The following FSIP1 variants were observed in gnomAD, a reference collection of about 807,000 sequenced individuals.
FSIP1 encodes the protein fibrous sheath interacting protein 1.
Under a neutral mutation model 60.9 loss-of-function variants are expected in FSIP1, and 65 were observed. The ratio of observed to expected loss-of-function variants is 1.07; its 90% CI spans 0.87 to 1.31. The LOEUF is 1.31. Among genes scored for constraint, FSIP1 ranks in the 40% most tolerant of loss-of-function variants. The probability of loss-of-function intolerance (pLI) is 0.00; values close to 1 mark genes in which losing one functional copy is unlikely to be tolerated. For missense variants in FSIP1, 675 were observed against 665.5 expected (o/e 1.01, Z -0.16); for synonymous variants, 209 against 221.2 (o/e 0.94, Z 0.49).
chr15:39,739,692 G>A lies in FSIP1; in HGVS notation c.753C>T (p.Asn251=). ...TEKIELRGKH[N]QDFIKRNIEL... Reference sequence around the variant, plus strand: ...CAATGTTTCTCTTAATAAAATCCTGGTTGTGTTTACCCCTGAGCTCAATCT... The same window carrying A: ...CAATGTTTCTCTTAATAAAATCCTGATTGTGTTTACCCCTGAGCTCAATCT... Residue 251 remains asparagine (N), a synonymous_variant, in exon 7 of 12, where the codon AAC becomes AAT. Coordinates refer to ENST00000350221, the MANE Select transcript of FSIP1 (RefSeq NM_152597.5). 6.3e-7 allele frequency: 1 copy of A among 1,597,344 alleles called. No homozygotes were observed. Among genetic ancestry groups the A allele is most frequent in the Non-Finnish European group, 8.5e-7 (1 of 1,176,176 alleles).
intron 10 of FSIP1, among the ~76,000 whole-genome samples, chr15:39,619,215 T>C (rs1304719096): frequency 6.6e-6 from 1 of 152,214 alleles, no homozygotes; most frequent in African/African-American, 2.4e-5. Flanking sequence ...TTACTGATAC[T>C]AGTATAGTTA....
chr15:39,639,332 G>A lies in FSIP1; in HGVS notation c.1189-21087C>T, dbSNP rs370562935. Among the ~76,000 whole-genome samples the A allele has an allele frequency of 2.1e-4, 32 of 151,888 alleles. 1 individual carries two copies. The highest frequency in any genetic ancestry group is 3.4e-3 in the Middle Eastern group (1 of 292). On this transcript the variant is annotated intron_variant, in intron 10 of 11. Coordinates refer to ENST00000350221, the MANE Select transcript of FSIP1 (RefSeq NM_152597.5). ...CCTCTGACTACCTTTTTTTTCAAGC[G>A]TTTTTAACATGGCTCTTGTAGGTCT...
intron 10 of FSIP1, 50 bp from the exon 11 acceptor site, chr15:39,618,295 AT>A: frequency 6.8e-7 from 1 of 1,475,706 alleles, no homozygotes. Context: ...GAGTAAACAC[AT>A]TTATTTTTGG....
chr15:39,775,524 AT>A (rs1332361937), intron 2 of FSIP1, among the ~76,000 whole-genome samples: 1 of 152,146 alleles, frequency 6.6e-6, no homozygotes, highest in African/African-American at 2.4e-5. Flanking sequence ...GAAAAAAAAA[AT>A]AAGGTCACAG....
At chr15:39,704,441 A>G (rs1299583568) in intron 10 of FSIP1, among the ~76,000 whole-genome samples, 1 of 152,254 alleles carries the variant, frequency 6.6e-6, no homozygotes, top group Non-Finnish European at 1.5e-5. Flanking sequence ...GGTTGGTAAC[A>G]GCTTAAAGGT....
At chr15:39,741,717 A>G in intron 6 of FSIP1, 88 bp downstream of exon 6, 1 of 699,116 alleles carries the variant, frequency 1.4e-6, no homozygotes, top group Admixed American at 2.3e-5. Context: ...GGATTAAATT[A>G]CATGAACTTA....
chr15:39,630,572 T>C (rs989106406), intron 10 of FSIP1, among the ~76,000 whole-genome samples: 2 of 152,194 alleles, frequency 1.3e-5, no homozygotes, highest in Admixed American at 1.3e-4. Context: ...CCATCTACTA[T>C]GCACCACATA....
chr15:39,610,480 A>G (rs1321968677), intron 11 of FSIP1, among the ~76,000 whole-genome samples: 1 of 152,174 alleles, frequency 6.6e-6, no homozygotes, highest in African/African-American at 2.4e-5. Flanking sequence ...AGCCTGGCCA[A>G]TATGGTGAAA....
intron 11 of FSIP1, among the ~76,000 whole-genome samples, chr15:39,617,023 G>A (rs951905865): frequency 6.6e-5 from 10 of 152,166 alleles, no homozygotes; most frequent in Non-Finnish European, 1.2e-4. Context: ...AGTCAAAACC[G>A]AAATCTGACT....
rs975171543 is a variant in FSIP1, at chr15:39,770,685, T to C, written c.127-75A>G. 10 of 895,794 alleles carry C rather than the reference T, an allele frequency of 1.1e-5. No individual in the cohort carries two copies. In the African/African-American group the frequency reaches 1.3e-4, roughly 12 times the overall value. 55.5% of individuals were successfully genotyped at this position (895,794 alleles called of 1,614,324 possible). On this transcript the variant is annotated intron_variant, in intron 2 of 11. Coordinates refer to ENST00000350221, the MANE Select transcript of FSIP1 (RefSeq NM_152597.5). ...TTAAACTTTACATTTCTAGAATATT[T>C]TGACACTAATGGAAGCAGATGGAGA...
At chr15:39,614,489 G>GA (rs1439350841) in intron 11 of FSIP1, among the ~76,000 whole-genome samples, 1 of 151,860 alleles carries the variant, frequency 6.6e-6, no homozygotes, top group African/African-American at 2.4e-5. Flanking sequence ...ACTAAAGATA[G>GA]AAAAAATTAG....
intron 1 of FSIP1, among the ~76,000 whole-genome samples, chr15:39,780,092 T>C (rs1898197829): frequency 6.6e-6 from 1 of 152,168 alleles, no homozygotes; most frequent in Admixed American, 6.5e-5. Context: ...ATCCCAAGAA[T>C]TAGTGTTAAT....
intron 2 of FSIP1, among the ~76,000 whole-genome samples, chr15:39,773,246 G>A (rs1897947890): frequency 6.6e-6 from 1 of 152,116 alleles, no homozygotes; most frequent in Non-Finnish European, 1.5e-5. Context: ...AATATGTAAG[G>A]TTTTCTAGAT....
At chr15:39,613,555 A>C (rs1463312069) in intron 11 of FSIP1, among the ~76,000 whole-genome samples, 1 of 152,230 alleles carries the variant, frequency 6.6e-6, no homozygotes, top group Non-Finnish European at 1.5e-5. Flanking sequence ...AGTGCTTCTC[A>C]AACTCTTCCA....
chr15:39,652,017 G>A (rs1892892855), intron 10 of FSIP1, among the ~76,000 whole-genome samples: 1 of 152,178 alleles, frequency 6.6e-6, no homozygotes, highest in Non-Finnish European at 1.5e-5. Flanking sequence ...ATAAAGGGGT[G>A]AATGGAAGAG....
intron 5 of FSIP1, chr15:39,747,531 G>A (rs1595690043): frequency 6.6e-6 from 1 of 152,136 alleles, no homozygotes; most frequent in East Asian, 1.9e-4. Flanking sequence ...GTTGCCTAGA[G>A]TATGGTTTCA....
intron 10 of FSIP1, among the ~76,000 whole-genome samples, chr15:39,637,321 C>T (rs1182668963): frequency 2.0e-5 from 3 of 152,134 alleles, no homozygotes; most frequent in South Asian, 4.1e-4. Context: ...TTAATTGAAA[C>T]GATGGTGGAT....
At chr15:39,769,333 G>C (rs1897803782) in intron 3 of FSIP1, among the ~76,000 whole-genome samples, 1 of 150,922 alleles carries the variant, frequency 6.6e-6, no homozygotes, top group African/African-American at 2.4e-5. Flanking sequence ...ACCTCACAGT[G>C]ACATATGCAG....
At chr15:39,775,271 G>C (rs911065525) in intron 2 of FSIP1, among the ~76,000 whole-genome samples, 2 of 151,840 alleles carry the variant, frequency 1.3e-5, no homozygotes, top group Non-Finnish European at 2.9e-5. Flanking sequence ...GAAATACATA[G>C]AATGCTATTC....
Sources: allele counts gnomAD v4.1 joint callset (sites outside exome capture counted in the v4.1 genomes callset), GRCh38; gene constraint gnomAD v4.1.1; transcripts MANE v1.5; gene names NCBI Gene and HGNC (gene_info 2026-07-23, HGNC 2026-07-21).